Variants in RELN observed in about 807,000 individuals in gnomAD.
The protein encoded by RELN is reelin.
A neutral mutation model predicts 427.6 loss-of-function variants in RELN; 108 were observed. That is an observed-to-expected ratio of 0.25 (90% CI 0.22 to 0.30). The LOEUF (loss-of-function observed/expected upper bound fraction) is 0.30. Among genes scored for constraint, RELN ranks in the 10% least tolerant of loss-of-function variants. The probability of loss-of-function intolerance (pLI) is 1.00; values close to 1 mark genes in which losing one functional copy is unlikely to be tolerated. For missense variants in RELN, 3,715 were observed against 4,302.8 expected (o/e 0.86, Z 3.82); for synonymous variants, 1,524 against 1,513.4 (o/e 1.01, Z -0.16).
At chr7:103,592,320 A>G (rs1831435571) in intron 27 of RELN, among the ~76,000 whole-genome samples, 1 of 152,180 alleles carries the variant, frequency 6.6e-6, no homozygotes, top group African/African-American at 2.4e-5. Context: ...TAGTTTGCCT[A>G]GGATAATGGC....
intron 11 of RELN, among the ~76,000 whole-genome samples, chr7:103,679,490 T>C (rs1833608981): frequency 6.6e-6 from 1 of 152,214 alleles, no homozygotes. Flanking sequence ...AGAAATCTGC[T>C]GACAATGCCA....
chr7:103,594,378 G>A lies in RELN; in HGVS notation c.3654C>T (p.Ile1218=), dbSNP rs761011174. The part of the protein sequence containing the change: ...DYDQWAVDDI[I]ILSEKQKQII... ...TCTGCTTCTGCTTCTCGGACAGAATGATGATGTCATCGACTGCCCACTGGT... is the reference window on the plus strand; with the variant it reads ...TCTGCTTCTGCTTCTCGGACAGAATAATGATGTCATCGACTGCCCACTGGT... Residue 1218 remains isoleucine, a synonymous_variant, in exon 26 of 65, where the codon ATC becomes ATT. Coordinates refer to ENST00000428762, the MANE Select transcript of RELN (RefSeq NM_005045.4). 22 of 1,613,868 alleles carry A rather than the reference G, an allele frequency of 1.4e-5. No individual in the cohort carries two copies. Among genetic ancestry groups the A allele is most frequent in the Non-Finnish European group, 3.4e-6 (4 of 1,179,922 alleles).
At chr7:103,965,681 C>T (rs1041214025) in intron 1 of RELN, among the ~76,000 whole-genome samples, 5 of 152,140 alleles carry the variant, frequency 3.3e-5, no homozygotes, top group Non-Finnish European at 7.4e-5. Flanking sequence ...GCATATTTCC[C>T]TGTTTATCTG....
chr7:103,790,108 C>T (rs1233744689), intron 3 of RELN, among the ~76,000 whole-genome samples: 1 of 152,202 alleles, frequency 6.6e-6, no homozygotes, highest in East Asian at 1.9e-4. Flanking sequence ...ACTGCAGGTT[C>T]TCACTCATAA....
rs767194919 is a variant in RELN, at chr7:103,518,327, CTTTT to C, written c.7862+992_7862+995del. Reference sequence around the variant, plus strand: ...TGCATTAAAGGATTATCTACGTTTCCTTTTTTTTTTTTTTTTTTTTTTAAAGATG... The same window carrying C: ...TGCATTAAAGGATTATCTACGTTTCCTTTTTTTTTTTTTTTTTTAAAGATG... On this transcript the variant is annotated intron_variant, in intron 49 of 64. Coordinates refer to ENST00000428762, the MANE Select transcript of RELN (RefSeq NM_005045.4). Among the ~76,000 whole-genome samples, 55 of 106,488 alleles carry C rather than the reference CTTTT, an allele frequency of 5.2e-4. 2 individuals are homozygous for C. The highest frequency in any genetic ancestry group is 2.9e-3 in the South Asian group (8 of 2,792). The allele number at this position is 106,488 out of a possible 152,430, so 69.9% of individuals were successfully genotyped here. A position where few individuals can be genotyped will look rare whatever the true frequency, so the allele number is the denominator to read the frequency against.
At chr7:103,521,297 C>T (rs1428390907) in intron 48 of RELN, among the ~76,000 whole-genome samples, 1 of 152,122 alleles carries the variant, frequency 6.6e-6, no homozygotes, top group Non-Finnish European at 1.5e-5. Context: ...TATTTTAAAA[C>T]ATTAATTTGT....
chr7:103,851,998 G>C (rs1008065998), intron 2 of RELN, among the ~76,000 whole-genome samples: 4 of 152,150 alleles, frequency 2.6e-5, no homozygotes, highest in African/African-American at 9.7e-5. Flanking sequence ...CTGAGTCCCT[G>C]TATAAAGGAC....
intron 40 of RELN, among the ~76,000 whole-genome samples, chr7:103,552,683 A>G (rs764094834): frequency 2.6e-5 from 4 of 151,602 alleles, no homozygotes; most frequent in Non-Finnish European, 5.9e-5. Context: ...TTGTATTTTT[A>G]GTGAGACGGG....
At chr7:103,518,813 A>G (rs1829635228) in intron 49 of RELN, among the ~76,000 whole-genome samples, 1 of 152,022 alleles carries the variant, frequency 6.6e-6, no homozygotes, top group Admixed American at 6.6e-5. Flanking sequence ...ATTGGTCATA[A>G]TCATTGCTTT....
intron 64 of RELN, 46 bp from the exon 65 acceptor site, chr7:103,472,954 A>G: frequency 7.2e-7 from 1 of 1,396,568 alleles, no homozygotes; most frequent in South Asian, 1.2e-5. Context: ...AAGGAAAAAG[A>G]GCATGTAAGT....
chr7:103,678,934 T>C (rs1227001779), intron 11 of RELN, among the ~76,000 whole-genome samples: 3 of 152,166 alleles, frequency 2.0e-5, no homozygotes, highest in Admixed American at 6.5e-5. Flanking sequence ...AGACAAATAT[T>C]CGATTAACTG....
chr7:103,814,916 A>AT (rs1007666481), intron 3 of RELN, among the ~76,000 whole-genome samples: 2 of 152,222 alleles, frequency 1.3e-5, no homozygotes, highest in Non-Finnish European at 2.9e-5. Flanking sequence ...TTCTAAAAAG[A>AT]TAGTATTATC....
At chr7:103,784,551 T>TTTCCTGGTTC (rs1269500712) in intron 3 of RELN, among the ~76,000 whole-genome samples, 1 of 152,304 alleles carries the variant, frequency 6.6e-6, no homozygotes, top group East Asian at 1.9e-4. Context: ...TTTCCTGGTT[T>TTTCCTGGTTC]TTCCTGGTTC....
chr7:103,691,413 T>C (rs1833868045), intron 10 of RELN, among the ~76,000 whole-genome samples: 1 of 152,160 alleles, frequency 6.6e-6, no homozygotes, highest in African/African-American at 2.4e-5. Context: ...TTTTCTCTTT[T>C]CTATTTGACC....
chr7:103,565,449 T>C lies in RELN; in HGVS notation c.5039A>G (p.His1680Arg), dbSNP rs1830729095. ...MGCSKPFSNS[H>R]SVQLQYSLNN... The stretch of plus-strand genomic sequence containing the variant: ...CAGAGAATACTGGAGCTGTACACTG[T>C]GGGAGTTGCTGAAGGGCTTGCTACA... Residue 1680 changes from histidine to arginine, a missense_variant, in exon 34 of 65, where the codon CAC (histidine) becomes CGC (arginine). Transcript: ENST00000428762. 1 of 1,613,902 alleles carries C rather than the reference T, an allele frequency of 6.2e-7. No homozygotes were observed. The highest frequency in any genetic ancestry group is 8.5e-7 in the Non-Finnish European group (1 of 1,179,940).
At chr7:103,638,517 T>C (rs1832630398) in intron 17 of RELN, among the ~76,000 whole-genome samples, 1 of 151,422 alleles carries the variant, frequency 6.6e-6, no homozygotes, top group Non-Finnish European at 1.5e-5. Context: ...GATTCAATGA[T>C]TTGTTTAAAG....
chr7:103,778,034 G>C (rs1791790285), intron 3 of RELN, among the ~76,000 whole-genome samples: 1 of 152,172 alleles, frequency 6.6e-6, no homozygotes, highest in Non-Finnish European at 1.5e-5. Flanking sequence ...AGCCCTTGTT[G>C]TTGCATATTA....
chr7:103,558,973 C>T (rs1312133930), intron 36 of RELN, among the ~76,000 whole-genome samples: 10 of 152,118 alleles, frequency 6.6e-5, no homozygotes, highest in South Asian at 2.1e-4. Flanking sequence ...TTATAGATCA[C>T]GTTCCTCAAT....
intron 56 of RELN, 146 bp downstream of exon 56, chr7:103,496,380 A>T (rs1422749036): frequency 1.8e-6 from 2 of 1,124,028 alleles, no homozygotes; most frequent in East Asian, 4.9e-5. Context: ...TTTATAAACC[A>T]CTGGGCAAAA....
Sources: allele counts gnomAD v4.1 joint callset (sites outside exome capture counted in the v4.1 genomes callset), GRCh38; gene constraint gnomAD v4.1.1; transcripts MANE v1.5; gene names NCBI Gene and HGNC (gene_info 2026-07-23, HGNC 2026-07-21).